The following FHIP2A variants were observed in gnomAD, a reference collection of about 807,000 sequenced individuals.
FHIP2A encodes the protein FHF complex subunit HOOK interacting protein 2A, also known as family with sequence similarity 160 member B1.
In FHIP2A, 46 loss-of-function variants were observed where a neutral mutation model predicts 93.5. The observed-to-expected ratio is 0.49, with a 90% CI of 0.39 to 0.63. The LOEUF is 0.63. Ranked by LOEUF, FHIP2A falls within the 20% of genes least tolerant of loss-of-function variation. The probability of loss-of-function intolerance (pLI) is 0.00; values close to 1 mark genes in which losing one functional copy is unlikely to be tolerated. For synonymous variants in FHIP2A, 332 were observed against 326.5 expected, an observed-to-expected ratio of 1.02 and a Z score of -0.18; for missense variants, 769 against 909.7, an observed-to-expected ratio of 0.85 and a Z score of 1.99.
chr10:114,897,805 A>G (rs2084008193), intron 16 of FHIP2A, among the ~76,000 whole-genome samples: 1 of 152,174 alleles, frequency 6.6e-6, no homozygotes, highest in South Asian at 2.1e-4. Context: ...GCTACTCAGG[A>G]GGCTGAGGTG....
chr10:114,848,690 G>A lies in FHIP2A; in HGVS notation c.1756G>A (p.Val586Ile), dbSNP rs373829334. 1.2e-6 allele frequency: 2 copies of A among 1,612,632 alleles called. No individual in the cohort carries two copies. Among genetic ancestry groups the A allele is most frequent in the Non-Finnish European group, 1.7e-6 (2 of 1,179,620 alleles). ...GGATGACGCAAAATCCTCCTACCAT[G>A]TTGAGGGCACAGGATATGACACTTA... The part of the protein sequence containing the change: ...VPDDAKSSYH[V>I]EGTGYDTYLR... Residue 586 changes from valine to isoleucine, a missense_variant, in exon 13 of 17, where the codon GTT (valine) becomes ATT (isoleucine). Val to Ile is a conservative substitution (Grantham distance 29). Transcript: ENST00000369248.
rs2083529934 is a variant in FHIP2A, at chr10:114,822,151, C to T, written c.45+28C>T. ...AAGGCCGCGGGCTGCGGGCGCACGG[C>T]AGGCCGGGGATGGCGGCGGCCTACG... On this transcript the variant is annotated intron_variant, in intron 1 of 16. Transcript: ENST00000369248. 8.6e-6 allele frequency: 11 copies of T among 1,281,404 alleles called. No individual in the cohort carries two copies. In the South Asian group the frequency reaches 1.6e-4, roughly 19 times the overall value. 79.4% of individuals were successfully genotyped at this position (1,281,404 alleles called of 1,614,324 possible). A position where few individuals can be genotyped will look rare whatever the true frequency, so the allele number is the denominator to read the frequency against.
At chr10:114,880,122 C>A (rs1426695356) in intron 16 of FHIP2A, among the ~76,000 whole-genome samples, 1 of 152,186 alleles carries the variant, frequency 6.6e-6, no homozygotes, top group African/African-American at 2.4e-5. Context: ...TCACACAGTG[C>A]ATGATTCAAT....
At chr10:114,875,128 C>G (rs2083878108) in intron 16 of FHIP2A, among the ~76,000 whole-genome samples, 1 of 152,164 alleles carries the variant, frequency 6.6e-6, no homozygotes, top group African/African-American at 2.4e-5. Context: ...CGCTCTGCAG[C>G]CCTGGATGGG....
downstream of FHIP2A, among the ~76,000 whole-genome samples, chr10:114,866,779 A>G (rs370125330): frequency 3.3e-4 from 51 of 152,316 alleles, no homozygotes; most frequent in African/African-American, 1.1e-3. Context: ...TAAGATGGCA[A>G]ATCATCTAAA....
chr10:114,895,604 A>G (rs2083997258), intron 16 of FHIP2A, among the ~76,000 whole-genome samples: 1 of 152,120 alleles, frequency 6.6e-6, no homozygotes, highest in South Asian at 2.1e-4. Flanking sequence ...TCTCATTCTA[A>G]TCCTGTCAAG....
chr10:114,844,502 T>A (rs940099131), intron 7 of FHIP2A, among the ~76,000 whole-genome samples: 4 of 152,220 alleles, frequency 2.6e-5, no homozygotes, highest in Non-Finnish European at 5.9e-5. Flanking sequence ...TTTATTGTAT[T>A]TCTCTGTATT....
chr10:114,867,242 G>A (rs529472580), downstream of FHIP2A, among the ~76,000 whole-genome samples: 22 of 151,458 alleles, frequency 1.5e-4, no homozygotes, highest in African/African-American at 5.3e-4. Flanking sequence ...AATCACAACA[G>A]AGTCAACCTA....
At chr10:114,828,984 C>T (rs984338043) in intron 1 of FHIP2A, among the ~76,000 whole-genome samples, 4 of 151,974 alleles carry the variant, frequency 2.6e-5, no homozygotes, top group Non-Finnish European at 4.4e-5. Context: ...GACAATAGTT[C>T]GGAAATTGTT....
chr10:114,857,849 T>C (rs2083776203), intron 14 of FHIP2A, among the ~76,000 whole-genome samples: 1 of 152,160 alleles, frequency 6.6e-6, no homozygotes, highest in Admixed American at 6.5e-5. Context: ...TTTACTATTG[T>C]TTGTAACGGT....
At chr10:114,853,049 A>G (rs1315620717) in intron 13 of FHIP2A, among the ~76,000 whole-genome samples, 2 of 152,146 alleles carry the variant, frequency 1.3e-5, no homozygotes, top group Non-Finnish European at 2.9e-5. Flanking sequence ...ACTCGTCTTC[A>G]TGCTCATGGC....
In FHIP2A at chr10:114,863,848, A is replaced by G. The variant is rs996914268; in HGVS notation, c.*2308A>G. The G allele has an allele frequency of 4.1e-5, 43 of 1,051,376 alleles. No individual in the cohort carries two copies. The South Asian group carries it at 1.0e-3, about 25-fold the overall frequency. 65.1% of individuals were successfully genotyped at this position (1,051,376 alleles called of 1,614,324 possible). On this transcript the variant is annotated 3_prime_UTR_variant, in exon 17 of 17. Transcript: ENST00000369248. ...AATTGATTGCCATAGCAAGTTCCAA[A>G]GTGAATTTCAGCCTTGCTTCACATT...
chr10:114,854,073 A>G (rs946528618), intron 13 of FHIP2A, among the ~76,000 whole-genome samples: 2 of 152,100 alleles, frequency 1.3e-5, no homozygotes, highest in Non-Finnish European at 2.9e-5. Context: ...ATTATATGAA[A>G]TAATCTTGTG....
At chr10:114,831,419 G>A (rs898712145) in intron 2 of FHIP2A, among the ~76,000 whole-genome samples, 8 of 152,140 alleles carry the variant, frequency 5.3e-5, no homozygotes, top group African/African-American at 7.2e-5. Flanking sequence ...AGGATGTCTC[G>A]GGAATGAGAC....
chr10:114,887,218 G>A (rs539265487), intron 16 of FHIP2A, among the ~76,000 whole-genome samples: 14 of 152,232 alleles, frequency 9.2e-5, no homozygotes, highest in Admixed American at 2.6e-4. Context: ...GGAGAGTACT[G>A]TCCAAAAGAC....
chr10:114,854,888 A>C (rs1398952493), intron 13 of FHIP2A, among the ~76,000 whole-genome samples: 1 of 152,234 alleles, frequency 6.6e-6, no homozygotes, highest in African/African-American at 2.4e-5. Context: ...ATGTCCTCTA[A>C]ATCGGTGATG....
chr10:114,898,264 C>T (rs1044338505), intron 16 of FHIP2A, among the ~76,000 whole-genome samples: 2 of 152,198 alleles, frequency 1.3e-5, no homozygotes, highest in African/African-American at 2.4e-5. Flanking sequence ...GCCATAGGGA[C>T]TCTGCAGGTG....
chr10:114,895,614 G>C (rs2083997368), intron 16 of FHIP2A, among the ~76,000 whole-genome samples: 1 of 152,140 alleles, frequency 6.6e-6, no homozygotes, highest in Non-Finnish European at 1.5e-5. Context: ...ATCCTGTCAA[G>C]AGGGGACCAG....
chr10:114,860,730 G>A lies in FHIP2A; in HGVS notation c.1948-19G>A. On this transcript the variant is annotated intron_variant, in intron 14 of 16. Coordinates refer to ENST00000369248, the MANE Select transcript of FHIP2A (RefSeq NM_020940.4). ...ATACATTATTTTTAAATGTCTTTCT[G>A]TTTTTTATCTCTCCATAGCCATATG... 1 of 1,562,840 alleles carries A rather than the reference G, an allele frequency of 6.4e-7. No homozygotes were observed. Among genetic ancestry groups the A allele is most frequent in the Non-Finnish European group, 8.8e-7 (1 of 1,133,642 alleles).
Sources: allele counts gnomAD v4.1 joint callset (sites outside exome capture counted in the v4.1 genomes callset), GRCh38; gene constraint gnomAD v4.1.1; transcripts MANE v1.5; gene names NCBI Gene and HGNC (gene_info 2026-07-23, HGNC 2026-07-21).